Variants in SENP1 observed in about 807,000 individuals in gnomAD.
SENP1 encodes the protein sentrin-specific protease 1.
A neutral mutation model predicts 93.0 loss-of-function variants in SENP1; 21 were observed. The ratio of observed to expected loss-of-function variants is 0.23; its 90% CI spans 0.16 to 0.33. The LOEUF (loss-of-function observed/expected upper bound fraction) is 0.33, where lower values mean the gene tolerates loss of function less well. SENP1 is among the 10% of genes least tolerant of loss of function. The probability of loss-of-function intolerance (pLI) is 1.00; values close to 1 mark genes in which losing one functional copy is unlikely to be tolerated. For synonymous variants in SENP1, 256 were observed against 259.6 expected (o/e 0.99, Z 0.13); for missense variants, 591 against 758.7 (o/e 0.78, Z 2.60).
Position 48,046,998 on chromosome 12 carries a change from G to A in SENP1, c.1756C>T (p.Leu586Phe). The A allele has an allele frequency of 6.2e-7, 1 of 1,612,172 alleles. No individual in the cohort carries two copies. The highest frequency in any genetic ancestry group is 8.5e-7 in the Non-Finnish European group (1 of 1,178,514). ...RKEFDTNGWQ[L>F]FSKKSQEIPQ... The stretch of plus-strand genomic sequence containing the variant: ...GGTACCTGGCTTTTCTTGCTGAAAA[G>A]CTGCCAGCCATTGGTGTCAAACTCT... Residue 586 changes from leucine (L) to phenylalanine (F), a missense_variant, in exon 16 of 18, where the codon CTT becomes TTT. Transcript: ENST00000549518.
At position 48,044,881 on chromosome 12, in the gene SENP1, T is replaced by G. The variant is rs1188462761; in HGVS notation, c.*441A>C. 13 of 175,746 alleles carry G rather than the reference T, an allele frequency of 7.4e-5. No individual in the cohort carries two copies. 10.9% of individuals were successfully genotyped at this position (175,746 alleles called of 1,614,324 possible). A position where few individuals can be genotyped will look rare whatever the true frequency, so the allele number is the denominator to read the frequency against. On this transcript the variant is annotated 3_prime_UTR_variant, in exon 18 of 18. Coordinates refer to ENST00000549518, the MANE Select transcript of SENP1 (RefSeq NM_001267594.2). ...GTTTGTGTGTGTGGGTGTGTGTGTATGTCCATGTATATGCTGGTGGTTTTT... is the reference window on the plus strand; with the variant it reads ...GTTTGTGTGTGTGGGTGTGTGTGTAGGTCCATGTATATGCTGGTGGTTTTT...
Position 48,049,029 on chromosome 12 carries a change from G to C in SENP1, c.1511C>G (p.Ala504Gly). 1.2e-6 allele frequency: 2 copies of C among 1,613,754 alleles called. No homozygotes were observed. The highest frequency in any genetic ancestry group is 1.7e-6 in the Non-Finnish European group (2 of 1,179,716). ...CCAACGTTTCACTGCCTGATAACCA[G>C]CCGTTTTTAATTTAGTGAAGAAAAA... ...NTFFFTKLKT[A>G]GYQAVKRWTK... is the part of the protein sequence containing the mutation. The change falls in exon 14 of 18, where the codon GCT (alanine) becomes GGT (glycine). Residue 504 changes from alanine to glycine, a missense_variant. Around this residue, in one of 4 missense-constraint regions of SENP1, gnomAD observed 132 missense variants for 230.1 expected, o/e 0.57. Transcript: ENST00000549518.
intron 1 of SENP1, chr12:48,105,668 G>A (rs1013233768): frequency 2.3e-6 from 1 of 431,894 alleles, no homozygotes; most frequent in African/African-American, 2.0e-5. Flanking sequence ...CCCCAGAGAA[G>A]ACCCAGCTCT....
chr12:48,077,577 C>T (rs1048569133), intron 6 of SENP1, among the ~76,000 whole-genome samples: 1 of 151,886 alleles, frequency 6.6e-6, no homozygotes, highest in Non-Finnish European at 1.5e-5. Context: ...AGCTATATAA[C>T]GGGTTCACTT....
Position 48,106,008 on chromosome 12 carries a change from A to G in SENP1, c.-45+20T>C, listed in dbSNP as rs1203798828. On this transcript the variant is annotated intron_variant, in intron 1 of 17. Coordinates refer to ENST00000549518, the MANE Select transcript of SENP1 (RefSeq NM_001267594.2). ...CTCCCTCCATCCTCACCCCTCCCCC[A>G]GCTTCCCGCCGCCACTCACCGAACC... 2 of 700,888 alleles carry G rather than the reference A, an allele frequency of 2.9e-6. No individual in the cohort carries two copies. Among genetic ancestry groups the G allele is most frequent in the Non-Finnish European group, 5.2e-6 (2 of 384,678 alleles). 43.4% of individuals were successfully genotyped at this position (700,888 alleles called of 1,614,324 possible). A position where few individuals can be genotyped will look rare whatever the true frequency, so the allele number is the denominator to read the frequency against.
rs572945256 is a variant in SENP1 at position 48,077,583 on chromosome 12, C to T, written c.553-2790G>A. ...CAGTCAACTAGCTATATAACGGGTTCACTTTTTTTTTCGTCATACTTTAAG... is the reference window on the plus strand; with the variant it reads ...CAGTCAACTAGCTATATAACGGGTTTACTTTTTTTTTCGTCATACTTTAAG... On this transcript the variant is annotated intron_variant, in intron 6 of 17. Transcript: ENST00000549518. 4.0e-5 allele frequency among the ~76,000 whole-genome samples: 6 copies of T among 151,896 alleles called. No individual in the cohort carries two copies. In the South Asian group the frequency reaches 1.2e-3, roughly 32 times the overall value.
intron 13 of SENP1, among the ~76,000 whole-genome samples, chr12:48,056,008 TTTAATATATAAC>T (rs1461456365): frequency 7.7e-6 from 1 of 129,896 alleles, no homozygotes; most frequent in African/African-American, 3.0e-5. Flanking sequence ...TAATATATAT[TTTAATATATAAC>T]TTAATATACT....
intron 13 of SENP1, 130 bp downstream of exon 13, chr12:48,063,580 A>C: frequency 1.3e-6 from 1 of 759,572 alleles, no homozygotes; most frequent in Non-Finnish European, 2.0e-6. Context: ...ACAAGAATGA[A>C]GAGGCCTATG....
chr12:48,064,682 T>C (rs1405007310), intron 12 of SENP1, among the ~76,000 whole-genome samples: 2 of 152,060 alleles, frequency 1.3e-5, no homozygotes, highest in Non-Finnish European at 1.5e-5. Flanking sequence ...GCTTTTTGTG[T>C]GTGTGTGTAT....
chr12:48,098,260 G>A (rs557004814), intron 2 of SENP1, 136 bp from the exon 3 acceptor site: 14 of 853,866 alleles, frequency 1.6e-5, no homozygotes, highest in African/African-American at 5.1e-5. Flanking sequence ...AGCACTCTGA[G>A]AGGCTGAGGC....
intron 8 of SENP1, 50 bp from the exon 9 acceptor site, chr12:48,071,771 T>A (rs760580023): frequency 1.6e-6 from 2 of 1,253,670 alleles, no homozygotes; most frequent in Middle Eastern, 1.9e-4. Context: ...CACAAAGTTA[T>A]ACTTTCTAGA....
chr12:48,045,033 C>G lies in SENP1; in HGVS notation c.*289G>C, dbSNP rs1941261830. 2.5e-6 allele frequency: 1 copy of G among 406,130 alleles called. No homozygotes were observed. The highest frequency in any genetic ancestry group is 4.5e-6 in the Non-Finnish European group (1 of 223,478). The allele number at this position is 406,130 out of a possible 1,614,324, so 25.2% of individuals were successfully genotyped here. A position where few individuals can be genotyped will look rare whatever the true frequency, so the allele number is the denominator to read the frequency against. ...AATTAGGGACTGAGTGAGGCTGGAG[C>G]CCTTTGAAAACAAGATGGCAGAACT... On this transcript the variant is annotated 3_prime_UTR_variant, in exon 18 of 18. Transcript: ENST00000549518.
intron 13 of SENP1, among the ~76,000 whole-genome samples, chr12:48,059,602 G>A (rs770887576): frequency 6.6e-6 from 1 of 151,972 alleles, no homozygotes; most frequent in African/African-American, 2.4e-5. Flanking sequence ...ATCATAAATT[G>A]TACTTTCCCG....
intron 13 of SENP1, chr12:48,055,403 G>A (rs756078250): frequency 6.6e-6 from 1 of 152,470 alleles, no homozygotes. Context: ...ACTGAAGCAA[G>A]GGACACAGTG....
intron 1 of SENP1, 89 bp from the exon 2 acceptor site, chr12:48,101,605 T>G (rs1945939291): frequency 1.5e-6 from 1 of 688,224 alleles, no homozygotes; most frequent in East Asian, 2.9e-5. Context: ...GAAGTGACAT[T>G]TGTTTGTGTT....
chr12:48,088,928 C>G lies in SENP1; in HGVS notation c.253G>C (p.Gly85Arg), dbSNP rs1369109215. ...CTCTGGCCAAAGGTTCTTAAATCGC[C>G]TGAGCCAAGAAAACTGTCTGAGGAA... The part of the protein sequence containing the change: ...NPSSDSFLGS[G>R]DLRTFGQSAN... The change falls in exon 5 of 18, where the codon GGC becomes CGC. Residue 85 changes from glycine (G) to arginine (R), a missense_variant. This residue lies in a region of SENP1 where 214 missense variants were observed against 243.4 expected (regional missense o/e 0.88). Transcript: ENST00000549518. 1 of 1,594,414 alleles carries G rather than the reference C, an allele frequency of 6.3e-7. No homozygotes were observed. Among genetic ancestry groups the G allele is most frequent in the Non-Finnish European group, 8.5e-7 (1 of 1,170,272 alleles).
chr12:48,072,889 GA>G (rs1565772896), intron 8 of SENP1, among the ~76,000 whole-genome samples: 1 of 151,816 alleles, frequency 6.6e-6, no homozygotes, highest in African/African-American at 2.4e-5. Context: ...GCGGGTCTTG[GA>G]ACATATCCTC....
intron 4 of SENP1, among the ~76,000 whole-genome samples, chr12:48,089,461 T>A (rs1945088736): frequency 6.6e-6 from 1 of 152,248 alleles, no homozygotes; most frequent in Non-Finnish European, 1.5e-5. Flanking sequence ...GATAACCTAA[T>A]TGCTGCTTAT....
At chr12:48,059,928 G>C (rs2136920140) in intron 13 of SENP1, among the ~76,000 whole-genome samples, 1 of 152,234 alleles carries the variant, frequency 6.6e-6, no homozygotes. Context: ...ATTGACACCT[G>C]TGCTGGCTCT....
Sources: gnomAD v4.1 joint callset for allele counts (sites outside exome capture counted in the v4.1 genomes callset) on GRCh38, gnomAD v4.1.1 for gene constraint, gnomAD v4.1.1 regional missense constraint, MANE v1.5 for transcripts, NCBI Gene and HGNC (gene_info 2026-07-23, HGNC 2026-07-21) for gene names.